The following AXL variants were observed in gnomAD, a reference collection of about 807,000 sequenced individuals.
The protein encoded by AXL is tyrosine-protein kinase receptor UFO.
Under a neutral mutation model 104.5 loss-of-function variants are expected in AXL, and 52 were observed. That is an observed-to-expected ratio of 0.50 (90% CI 0.40 to 0.63). The LOEUF (loss-of-function observed/expected upper bound fraction) is 0.63, where lower values mean the gene tolerates loss of function less well. Among genes scored for constraint, AXL ranks in the 20% least tolerant of loss-of-function variants. AXL has a pLI of 0.00. For synonymous variants in AXL, 455 were observed against 473.7 expected (o/e 0.96, Z 0.51); for missense variants, 1,024 against 1,188.5 (o/e 0.86, Z 2.04).
rs893309081 is a variant in AXL, at chr19:41,261,472, C to T, written c.*1568C>T. On this transcript the variant is annotated 3_prime_UTR_variant, in exon 20 of 20. Transcript: ENST00000301178. ...AAGTTTCTAAGATTCTAAAGGTCCACAGGTCTAGACTATTAGGTGCAATTT... is the reference window on the plus strand; with the variant it reads ...AAGTTTCTAAGATTCTAAAGGTCCATAGGTCTAGACTATTAGGTGCAATTT... 6.6e-6 allele frequency: 1 copy of T among 152,458 alleles called. No homozygotes were observed. The highest frequency in any genetic ancestry group is 2.4e-5 in the African/African-American group (1 of 41,468). The allele number at this position is 152,458 out of a possible 1,614,324, so 9.4% of individuals were successfully genotyped here.
At chr19:41,228,176 C>T (rs1469320725) in intron 4 of AXL, among the ~76,000 whole-genome samples, 1 of 152,058 alleles carries the variant, frequency 6.6e-6, no homozygotes, top group Non-Finnish European at 1.5e-5. Flanking sequence ...TGTAATTGTA[C>T]GTGCTTCTGT....
chr19:41,229,334 G>A (rs2033936815), intron 4 of AXL, among the ~76,000 whole-genome samples: 1 of 152,002 alleles, frequency 6.6e-6, no homozygotes, highest in Admixed American at 6.6e-5. Context: ...TGTGATCACA[G>A]CTCACTGCAG....
intron 6 of AXL, among the ~76,000 whole-genome samples, chr19:41,235,401 G>A (rs1198950513): frequency 5.7e-5 from 6 of 104,722 alleles, no homozygotes; most frequent in Non-Finnish European, 9.8e-5. Flanking sequence ...TAGATAGATA[G>A]ATAGATAGAT....
At chr19:41,244,662 TA>T (rs2034241960) in intron 12 of AXL, among the ~76,000 whole-genome samples, 1 of 152,244 alleles carries the variant, frequency 6.6e-6, no homozygotes, top group Non-Finnish European at 1.5e-5. Context: ...GCATTTTTAG[TA>T]AAGATGGGGT....
At chr19:41,255,916 TG>T (rs2034445365) in intron 17 of AXL, among the ~76,000 whole-genome samples, 1 of 152,080 alleles carries the variant, frequency 6.6e-6, no homozygotes, top group Non-Finnish European at 1.5e-5. Flanking sequence ...GGCTAATTTT[TG>T]TACTTTTAGT....
intron 10 of AXL, among the ~76,000 whole-genome samples, chr19:41,239,991 G>A (rs1478896902): frequency 6.6e-6 from 1 of 152,018 alleles, no homozygotes; most frequent in Non-Finnish European, 1.5e-5. Flanking sequence ...GTGGATGGGT[G>A]GGTGGGTCAA....
Position 41,260,950 on chromosome 19 carries a change from A to G in AXL, c.*1046A>G, listed in dbSNP as rs369429180. The G allele has an allele frequency of 5.9e-5, 9 of 152,256 alleles. 1 individual carries two copies. Among genetic ancestry groups the G allele is most frequent in the African/African-American group, 2.2e-4 (9 of 41,554 alleles). 9.4% of individuals were successfully genotyped at this position (152,256 alleles called of 1,614,324 possible). A position where few individuals can be genotyped will look rare whatever the true frequency, so the allele number is the denominator to read the frequency against. ...TATCTTCTCAAGTTCTAAGATTCTAATGATGATCAATTATAGTTTCTGAGG... is the reference window on the plus strand; with the variant it reads ...TATCTTCTCAAGTTCTAAGATTCTAGTGATGATCAATTATAGTTTCTGAGG... On this transcript the variant is annotated 3_prime_UTR_variant, in exon 20 of 20. Transcript: ENST00000301178.
chr19:41,221,287 T>G, intron 3 of AXL, 41 bp downstream of exon 3: 3 of 1,572,812 alleles, frequency 1.9e-6, no homozygotes, highest in Non-Finnish European at 2.6e-6. Flanking sequence ...TCAGAGGACA[T>G]GTGGCGCTCA....
intron 17 of AXL, among the ~76,000 whole-genome samples, chr19:41,254,538 GAAAA>G (rs2034424011): frequency 6.6e-6 from 1 of 151,822 alleles, no homozygotes; most frequent in South Asian, 2.1e-4. Flanking sequence ...AAGAAAAAAA[GAAAA>G]GAAAGAACAA....
intron 4 of AXL, among the ~76,000 whole-genome samples, chr19:41,225,646 G>C (rs2033866056): frequency 2.0e-5 from 3 of 152,160 alleles, no homozygotes; most frequent in African/African-American, 7.2e-5. Context: ...ACGTTGGCTT[G>C]TATGCATACA....
In AXL at chr19:41,256,839, G is replaced by A. The variant is rs1047004500; in HGVS notation, c.2196+228G>A. Among the ~76,000 whole-genome samples the A allele has an allele frequency of 1.7e-4, 26 of 152,214 alleles. 1 individual carries two copies. The highest frequency in any genetic ancestry group is 7.2e-4 in the Admixed American group (11 of 15,284). ...AGGCCCACGTGTGCATGGTAGCAATGTAGACAGTTTAGGTTAGAAGAAGCT... is the reference window on the plus strand; with the variant it reads ...AGGCCCACGTGTGCATGGTAGCAATATAGACAGTTTAGGTTAGAAGAAGCT... On this transcript the variant is annotated intron_variant, in intron 18 of 19. Coordinates refer to ENST00000301178, the MANE Select transcript of AXL (RefSeq NM_021913.5).
chr19:41,231,131 G>A (rs1389391536), intron 5 of AXL, 52 bp from the exon 6 acceptor site: 2 of 1,610,982 alleles, frequency 1.2e-6, no homozygotes, highest in African/African-American at 2.7e-5. Flanking sequence ...GAGCAGGGTA[G>A]GGAGCTTTGA....
intron 14 of AXL, 152 bp downstream of exon 14, chr19:41,248,972 T>C: frequency 1.4e-6 from 1 of 707,508 alleles, no homozygotes; most frequent in Non-Finnish European, 2.3e-6. Context: ...AGGAATTGAA[T>C]ATGGGGAGAT....
At position 41,243,030 on chromosome 19, in the gene AXL, C is replaced by T. The variant is rs1439638094; in HGVS notation, c.1445+15C>T. The T allele has an allele frequency of 2.5e-6, 4 of 1,614,000 alleles. No individual in the cohort carries two copies. In the African/African-American group the frequency reaches 4.0e-5, roughly 16 times the overall value. ...ACCCGTTATGGGTGAGTTGGAACCA[C>T]ATGGGGAGGCTGTGTGGCCTGGGAT... On this transcript the variant is annotated intron_variant, in intron 11 of 19. Transcript: ENST00000301178.
intron 4 of AXL, among the ~76,000 whole-genome samples, chr19:41,223,268 C>G (rs2033825142): frequency 6.6e-6 from 1 of 152,160 alleles, no homozygotes; most frequent in Non-Finnish European, 1.5e-5. Flanking sequence ...GCACTCCAGC[C>G]TGGGTGACAG....
chr19:41,224,860 G>C (rs367653681), intron 4 of AXL, among the ~76,000 whole-genome samples: 2 of 152,150 alleles, frequency 1.3e-5, no homozygotes, highest in South Asian at 4.2e-4. Context: ...ACTGGCCCCT[G>C]CTGCCTCTGA....
Position 41,257,596 on chromosome 19 carries a change from G to C in AXL, c.2300G>C (p.Arg767Pro). ...TATGACTATCTGCGCCAGGGAAATCGCCTGAAGCAGCCTGCGGACTGTCTG... is the reference window on the plus strand; with the variant it reads ...TATGACTATCTGCGCCAGGGAAATCCCCTGAAGCAGCCTGCGGACTGTCTG... ...EIYDYLRQGNRLKQPADCLDG... is the reference protein window; with the variant it reads ...EIYDYLRQGNPLKQPADCLDG... The change falls in exon 19 of 20, where the codon CGC (arginine) becomes CCC (proline). Residue 767 changes from arginine to proline, a missense_variant. Arg to Pro is a moderately radical substitution (Grantham distance 103). Transcript: ENST00000301178. The C allele has an allele frequency of 6.2e-7, 1 of 1,614,118 alleles. No individual in the cohort carries two copies. The highest frequency in any genetic ancestry group is 8.5e-7 in the Non-Finnish European group (1 of 1,180,012).
chr19:41,248,664 T>A, intron 13 of AXL, 55 bp downstream of exon 13: 1 of 1,611,866 alleles, frequency 6.2e-7, no homozygotes, highest in Non-Finnish European at 8.5e-7. Context: ...ATCCTGCACT[T>A]CCACACTCCC....
At chr19:41,221,788 T>C (rs1481790456) in intron 3 of AXL, 92 bp from the exon 4 acceptor site, 1 of 1,407,112 alleles carries the variant, frequency 7.1e-7, no homozygotes, top group Non-Finnish European at 9.5e-7. Flanking sequence ...CAGGGTGGGT[T>C]TGCTGCCCAA....
Sources: allele counts gnomAD v4.1 joint callset (sites outside exome capture counted in the v4.1 genomes callset), GRCh38; gene constraint gnomAD v4.1.1; transcripts MANE v1.5; gene names NCBI Gene and HGNC (gene_info 2026-07-23, HGNC 2026-07-21).